CBLB: variants seen among roughly 807,000 people sequenced by gnomAD.
CBLB encodes the protein E3 ubiquitin-protein ligase CBL-B.
Under a neutral mutation model 104.9 loss-of-function variants are expected in CBLB, and 31 were observed. That is an observed-to-expected ratio of 0.30 (90% CI 0.22 to 0.40). The LOEUF (loss-of-function observed/expected upper bound fraction) is 0.40, where lower values mean the gene tolerates loss of function less well. Among genes scored for constraint, CBLB ranks in the 10% least tolerant of loss-of-function variants. CBLB has a pLI of 1.00. For synonymous variants in CBLB, 440 were observed against 422.6 expected, an observed-to-expected ratio of 1.04 and a Z score of -0.51; for missense variants, 1,062 against 1,214.6, an observed-to-expected ratio of 0.87 and a Z score of 1.87.
intron 17 of CBLB, chr3:105,670,780 ATCTC>A (rs1317067496): frequency 2.2e-5 from 4 of 181,956 alleles, no homozygotes; most frequent in Non-Finnish European, 4.6e-5. Context: ...AAATTACTTG[ATCTC>A]TCTAAGCATT....
At chr3:105,746,063 G>A in intron 5 of CBLB, 25 bp from the exon 6 acceptor site, 1 of 1,473,550 alleles carries the variant, frequency 6.8e-7, no homozygotes, top group Non-Finnish European at 9.5e-7. Context: ...AATTAAAAGA[G>A]ATTAGTATCT....
At chr3:105,724,470 T>C (rs2073322231) in intron 9 of CBLB, among the ~76,000 whole-genome samples, 1 of 152,088 alleles carries the variant, frequency 6.6e-6, no homozygotes, top group African/African-American at 2.4e-5. Context: ...GCATCTTATT[T>C]ACAGGGCATA....
At chr3:105,663,868 T>A (rs1017983418) in intron 18 of CBLB, among the ~76,000 whole-genome samples, 2 of 148,938 alleles carry the variant, frequency 1.3e-5, no homozygotes, top group African/African-American at 2.5e-5. Flanking sequence ...ATCTGTAGTT[T>A]AAACTTTCAT....
intron 3 of CBLB, among the ~76,000 whole-genome samples, chr3:105,786,123 T>C (rs1019679248): frequency 6.6e-6 from 1 of 150,402 alleles, no homozygotes; most frequent in Non-Finnish European, 1.5e-5. Flanking sequence ...ATCGATACTA[T>C]GCTCAGTACA....
chr3:105,736,887 A>G (rs2075008487), intron 8 of CBLB, among the ~76,000 whole-genome samples: 1 of 152,090 alleles, frequency 6.6e-6, no homozygotes, highest in Admixed American at 6.6e-5. Context: ...GTAGCTTTCT[A>G]AACTATGGCT....
chr3:105,704,881 T>C (rs977846271), intron 10 of CBLB, among the ~76,000 whole-genome samples: 1 of 152,254 alleles, frequency 6.6e-6, no homozygotes, highest in East Asian at 1.9e-4. Flanking sequence ...GTATTTCAAT[T>C]TGTACGTAAC....
At chr3:105,684,236 C>T (rs1008009469) in intron 14 of CBLB, among the ~76,000 whole-genome samples, 33 of 152,286 alleles carry the variant, frequency 2.2e-4, no homozygotes, top group African/African-American at 7.2e-4. Context: ...ATGTGCCAAG[C>T]ATGGCCCCAG....
chr3:105,678,338 G>A (rs973093026), intron 17 of CBLB, 93 bp downstream of exon 17: 1 of 1,246,398 alleles, frequency 8.0e-7, no homozygotes, highest in African/African-American at 1.5e-5. Context: ...TAGGGAGGTA[G>A]AGACTAATGA....
chr3:105,858,128 A>G (rs1387605957), intron 2 of CBLB, among the ~76,000 whole-genome samples: 1 of 152,174 alleles, frequency 6.6e-6, no homozygotes, highest in African/African-American at 2.4e-5. Flanking sequence ...CAGTTCATCA[A>G]GGCCCTGTAG....
In CBLB at chr3:105,685,310, A is replaced by G; in HGVS notation, c.2201+10T>C. 6.2e-7 allele frequency: 1 copy of G among 1,613,102 alleles called. No individual in the cohort carries two copies. Among genetic ancestry groups the G allele is most frequent in the Non-Finnish European group, 8.5e-7 (1 of 1,179,122 alleles). ...AGATGTAAGTGGCAAAAATCTGCCC[A>G]TACTCTTACCGAACAGGAGGTTTTA... is the stretch of plus-strand genomic sequence containing the variant. On this transcript the variant is annotated intron_variant, in intron 14 of 18. Coordinates refer to ENST00000394030, the MANE Select transcript of CBLB (RefSeq NM_170662.5).
At chr3:105,754,462 T>C (rs1161625226) in intron 4 of CBLB, among the ~76,000 whole-genome samples, 1 of 132,874 alleles carries the variant, frequency 7.5e-6, no homozygotes, top group Non-Finnish European at 1.5e-5. Flanking sequence ...AATTTCAGGG[T>C]GCTGGCAGAG....
intron 9 of CBLB, among the ~76,000 whole-genome samples, chr3:105,726,763 T>A (rs1199606123): frequency 6.6e-6 from 1 of 152,180 alleles, no homozygotes; most frequent in African/African-American, 2.4e-5. Context: ...CCATGTGTTC[T>A]CAATGTTCAA....
At chr3:105,755,157 T>C (rs1281221051) in intron 4 of CBLB, among the ~76,000 whole-genome samples, 1 of 152,058 alleles carries the variant, frequency 6.6e-6, no homozygotes, top group Non-Finnish European at 1.5e-5. Context: ...TAGGTATATC[T>C]CCCAATGCTA....
At chr3:105,700,799 C>A (rs2152775854) in intron 12 of CBLB, among the ~76,000 whole-genome samples, 1 of 152,258 alleles carries the variant, frequency 6.6e-6, no homozygotes, top group Middle Eastern at 3.4e-3. Context: ...CCTGGCTACC[C>A]CATATCACTG....
At chr3:105,817,671 C>G (rs551594622) in intron 3 of CBLB, among the ~76,000 whole-genome samples, 4 of 152,062 alleles carry the variant, frequency 2.6e-5, no homozygotes, top group Non-Finnish European at 4.4e-5. Context: ...CTGTAACATA[C>G]CAAAGCTCAT....
At chr3:105,832,014 C>G (rs1484496469) in intron 3 of CBLB, among the ~76,000 whole-genome samples, 1 of 151,700 alleles carries the variant, frequency 6.6e-6, no homozygotes, top group Non-Finnish European at 1.5e-5. Context: ...CAGGTTGATA[C>G]AACAGGAAAT....
At chr3:105,695,937 T>C (rs886125048) in intron 12 of CBLB, among the ~76,000 whole-genome samples, 1 of 151,722 alleles carries the variant, frequency 6.6e-6, no homozygotes, top group Non-Finnish European at 1.5e-5. Flanking sequence ...GATGCACTTA[T>C]TAATGGAAGT....
intron 3 of CBLB, among the ~76,000 whole-genome samples, chr3:105,783,862 T>C (rs1034343024): frequency 2.6e-5 from 4 of 152,156 alleles, no homozygotes; most frequent in African/African-American, 7.2e-5. Context: ...CACATGGATT[T>C]TGAAACCTCC....
chr3:105,714,900 C>G (rs1188854662), intron 10 of CBLB, among the ~76,000 whole-genome samples: 1 of 152,048 alleles, frequency 6.6e-6, no homozygotes, highest in Non-Finnish European at 1.5e-5. Flanking sequence ...TTGTTCATAC[C>G]CATTTTTGTT....
Sources: gnomAD v4.1 joint callset for allele counts (sites outside exome capture counted in the v4.1 genomes callset) on GRCh38, gnomAD v4.1.1 for gene constraint, MANE v1.5 for transcripts, NCBI Gene and HGNC (gene_info 2026-07-23, HGNC 2026-07-21) for gene names.